The following ZNF674 variants were observed in gnomAD, a reference collection of about 807,000 sequenced individuals.
ZNF674 encodes zinc finger family member 674.
ZNF674 carries 2 observed loss-of-function variants against 7.0 expected under a neutral mutation model. The ratio of observed to expected loss-of-function variants is 0.29; its 90% CI spans 0.12 to 0.90. The LOEUF (loss-of-function observed/expected upper bound fraction) is 0.90. Ranked by LOEUF, ZNF674 falls within the 40% of genes least tolerant of loss-of-function variation. The probability of loss-of-function intolerance (pLI) is 0.57; values close to 1 mark genes in which losing one functional copy is unlikely to be tolerated. For synonymous variants in ZNF674, 103 were observed against 145.2 expected, an observed-to-expected ratio of 0.71 and a Z score of 2.09; for missense variants, 297 against 415.5, an observed-to-expected ratio of 0.71 and a Z score of 2.48.
Position 46,512,096 on chromosome X carries a change from C to A in ZNF674, c.239-10761G>T, listed in dbSNP as rs767152004. On this transcript the variant is annotated intron_variant, in intron 5 of 5. Coordinates refer to ENST00000683375, the MANE Select transcript of ZNF674 (RefSeq NM_001190417.2). ...GTTTTGGCCGGGCGCCACAGTGGCTCACGCCTGTAATCCCAGCACTTTGGG... is the reference window on the plus strand; with the variant it reads ...GTTTTGGCCGGGCGCCACAGTGGCTAACGCCTGTAATCCCAGCACTTTGGG... Among the ~76,000 whole-genome samples the A allele has an allele frequency of 2.4e-3, 267 of 110,349 alleles. 3 individuals are homozygous for A. Among genetic ancestry groups the A allele is most frequent in the African/African-American group, 8.4e-3 (255 of 30,345 alleles).
chrX:46,501,925 T>TAC (rs1366836262), intron 5 of ZNF674, among the ~76,000 whole-genome samples: 5 of 109,009 alleles, frequency 4.6e-5, no homozygotes, highest in African/African-American at 1.3e-4. Flanking sequence ...TATATATATA[T>TAC]ACACATACAC....
intron 5 of ZNF674, among the ~76,000 whole-genome samples, chrX:46,516,767 C>T (rs544984286): frequency 8.9e-6 from 1 of 112,192 alleles, no homozygotes; most frequent in Non-Finnish European, 1.9e-5. Context: ...GAGGCCAAGG[C>T]GGGTGGATCA....
chrX:46,532,280 G>A (rs1347455576), intron 3 of ZNF674, among the ~76,000 whole-genome samples: 2 of 112,285 alleles, frequency 1.8e-5, no homozygotes, highest in South Asian at 3.6e-4. Flanking sequence ...TCTTTTAATA[G>A]TCTCCTGGTG....
intron 5 of ZNF674, among the ~76,000 whole-genome samples, chrX:46,509,732 G>A (rs1156932418): frequency 4.2e-5 from 4 of 95,529 alleles, no homozygotes; most frequent in Non-Finnish European, 6.3e-5. Flanking sequence ...TCAGTGTGGC[G>A]ATTCCTCAGG....
At chrX:46,517,290 A>G (rs1434555068) in intron 5 of ZNF674, among the ~76,000 whole-genome samples, 1 of 110,918 alleles carries the variant, frequency 9.0e-6, no homozygotes, top group Non-Finnish European at 1.9e-5. Context: ...GTAAAAATAA[A>G]AAAATTATAA....
chrX:46,505,291 G>A (rs1441882837), intron 5 of ZNF674, among the ~76,000 whole-genome samples: 6 of 111,888 alleles, frequency 5.4e-5, no homozygotes, highest in African/African-American at 1.9e-4. Flanking sequence ...GTACTTTTTT[G>A]CAGTTTTAAA....
rs148850325 is a variant in ZNF674 at position 46,513,558 on chromosome X, C to A, written c.239-12223G>T. Among the ~76,000 whole-genome samples the A allele has an allele frequency of 3.6e-3, 407 of 111,899 alleles. 3 individuals are homozygous for A. The highest frequency in any genetic ancestry group is 0.013 in the African/African-American group (391 of 30,842). ...ATGATTCCTATTCAAAAGCTGAATTCCATACATTTCACGAAGCTGTATCTG... is the reference window on the plus strand; with the variant it reads ...ATGATTCCTATTCAAAAGCTGAATTACATACATTTCACGAAGCTGTATCTG... On this transcript the variant is annotated intron_variant, in intron 5 of 5. Coordinates refer to ENST00000683375, the MANE Select transcript of ZNF674 (RefSeq NM_001190417.2).
rs201621696 is a variant in ZNF674, at chrX:46,500,882, T to C, written c.692A>G (p.Lys231Arg). 6,491 of 1,180,587 alleles carry C rather than the reference T, an allele frequency of 5.5e-3. 17 individuals carry two copies. Among genetic ancestry groups the C allele is most frequent in the Non-Finnish European group, 6.2e-3 (5,416 of 879,403 alleles). The change falls in exon 6 of 6, where the codon AAA becomes AGA. Residue 231 changes from lysine (K) to arginine (R), a missense_variant. Transcript: ENST00000683375. ...CTECGKVFIQ[K>R]ANLVVHQRTH... is the part of the protein sequence containing the mutation. The stretch of plus-strand genomic sequence containing the variant: ...TCTTTGATGTACAACTAAGTTTGCT[T>C]TCTGGATAAACACTTTTCCACATTC...
chrX:46,505,347 A>T (rs1007229068), intron 5 of ZNF674, among the ~76,000 whole-genome samples: 1 of 112,458 alleles, frequency 8.9e-6, no homozygotes, highest in Admixed American at 9.5e-5. Flanking sequence ...AGTGAGAGGA[A>T]GGACCTCAGT....
intron 5 of ZNF674, among the ~76,000 whole-genome samples, chrX:46,519,516 G>A (rs192117505): frequency 4.6e-3 from 498 of 107,910 alleles, no homozygotes; most frequent in African/African-American, 0.016. Context: ...GCTGGGGCAG[G>A]AGAATCGCTT....
chrX:46,538,890 T>C (rs150259978), intron 3 of ZNF674, among the ~76,000 whole-genome samples: 67 of 110,783 alleles, frequency 6.0e-4, no homozygotes, highest in African/African-American at 2.2e-3. Context: ...AGACTCTGTC[T>C]CAAAAAACAA....
At chrX:46,535,982 A>T (rs1942191609) in intron 3 of ZNF674, among the ~76,000 whole-genome samples, 1 of 112,229 alleles carries the variant, frequency 8.9e-6, no homozygotes, top group Non-Finnish European at 1.9e-5. Flanking sequence ...GCTGATGAAG[A>T]GTATTAGAAA....
chrX:46,499,696 A>G lies in ZNF674; in HGVS notation c.*147T>C. 1 of 449,396 alleles carries G rather than the reference A, an allele frequency of 2.2e-6. No individual in the cohort carries two copies. The highest frequency in any genetic ancestry group is 6.4e-5 in the South Asian group (1 of 15,539). The allele number at this position is 449,396 out of a possible 1,213,427, so 37.0% of individuals were successfully genotyped here. On this transcript the variant is annotated 3_prime_UTR_variant, in exon 6 of 6. Transcript: ENST00000683375. ...GAATTATACTTTTGTACTTTGTATT[A>G]AGTTAAATGAACATTAACATATGAA... is the stretch of plus-strand genomic sequence containing the variant.
At chrX:46,545,350 C>T (rs1210299894) in intron 1 of ZNF674, 21 bp downstream of exon 1, 2 of 111,994 alleles carry the variant, frequency 1.8e-5, no homozygotes, top group Non-Finnish European at 3.8e-5. Context: ...AAAACCATCA[C>T]CACCTCACCC....
At chrX:46,539,796 G>C (rs1051911480) in intron 3 of ZNF674, among the ~76,000 whole-genome samples, 1 of 112,164 alleles carries the variant, frequency 8.9e-6, no homozygotes, top group Non-Finnish European at 1.9e-5. Flanking sequence ...AATGACAATA[G>C]TGCCGCAGTA....
chrX:46,536,870 T>C (rs904892401), intron 3 of ZNF674, among the ~76,000 whole-genome samples: 1 of 112,643 alleles, frequency 8.9e-6, no homozygotes, highest in Non-Finnish European at 1.9e-5. Context: ...TGACATTGCT[T>C]ATGAGAAAAA....
intron 5 of ZNF674, among the ~76,000 whole-genome samples, chrX:46,518,061 G>A (rs1040727926): frequency 1.8e-5 from 2 of 111,063 alleles, no homozygotes; most frequent in Non-Finnish European, 3.8e-5. Flanking sequence ...GGAAAATTAA[G>A]AGATTTTTGT....
At chrX:46,536,887 CT>C (rs751858992) in intron 3 of ZNF674, among the ~76,000 whole-genome samples, 2 of 112,601 alleles carry the variant, frequency 1.8e-5, no homozygotes, top group Non-Finnish European at 3.8e-5. Flanking sequence ...AAAATGACCC[CT>C]GATTGGTAAA....
rs734039 is a variant in ZNF674, at chrX:46,530,921, G to T, written c.16-2012C>A. ...ATCATGCCTCTGTGATGAAGCCTCC[G>T]AAAAACCCCACTGTGGCTGGGTGTG... On this transcript the variant is annotated intron_variant, in intron 3 of 5. Coordinates refer to ENST00000683375, the MANE Select transcript of ZNF674 (RefSeq NM_001190417.2). Among the ~76,000 whole-genome samples the T allele has an allele frequency of 5.0e-3, 538 of 107,012 alleles. 1 individual carries two copies. The highest frequency in any genetic ancestry group is 0.017 in the African/African-American group (474 of 27,569). 92.9% of individuals were successfully genotyped at this position (107,012 alleles called of 115,157 possible). A position where few individuals can be genotyped will look rare whatever the true frequency, so the allele number is the denominator to read the frequency against.
Sources: gnomAD v4.1 joint callset for allele counts (sites outside exome capture counted in the v4.1 genomes callset) on GRCh38, gnomAD v4.1.1 for gene constraint, MANE v1.5 for transcripts, NCBI Gene and HGNC (gene_info 2026-07-23, HGNC 2026-07-21) for gene names.